The following CHST9 variants were observed in gnomAD, a reference collection of about 807,000 sequenced individuals.
CHST9 encodes carbohydrate sulfotransferase 9, also known as GalNAc-4-sulfotransferase 2.
A neutral mutation model predicts 44.4 loss-of-function variants in CHST9; 41 were observed. The observed-to-expected ratio is 0.92, with a 90% CI of 0.72 to 1.20. CHST9 has a LOEUF of 1.20. Among genes scored for constraint, CHST9 ranks in the 50% most tolerant of loss-of-function variants. The probability of loss-of-function intolerance (pLI) is 0.00; values close to 1 mark genes in which losing one functional copy is unlikely to be tolerated. For missense variants in CHST9, 504 were observed against 516.5 expected (o/e 0.98, Z 0.23); for synonymous variants, 171 against 178.4 (o/e 0.96, Z 0.33).
intron 4 of CHST9, among the ~76,000 whole-genome samples, chr18:26,979,062 C>A (rs932584288): frequency 6.6e-6 from 1 of 151,728 alleles, no homozygotes; most frequent in South Asian, 2.1e-4. Context: ...TATGTCGGGG[C>A]ACAGAAGGGT....
At chr18:27,003,424 T>C (rs2056976246) in intron 4 of CHST9, among the ~76,000 whole-genome samples, 1 of 152,168 alleles carries the variant, frequency 6.6e-6, no homozygotes, top group Non-Finnish European at 1.5e-5. Flanking sequence ...CAGCGAAGTT[T>C]TCTTTGTTTC....
intron 4 of CHST9, among the ~76,000 whole-genome samples, chr18:26,948,724 A>G (rs1158836288): frequency 1.3e-5 from 2 of 152,152 alleles, no homozygotes; most frequent in Non-Finnish European, 2.9e-5. Context: ...GCCTATCTAT[A>G]ACAAAGGGTT....
At chr18:27,146,086 G>A (rs1367280003) in intron 1 of CHST9, among the ~76,000 whole-genome samples, 2 of 152,138 alleles carry the variant, frequency 1.3e-5, no homozygotes, top group Non-Finnish European at 2.9e-5. Context: ...AATCCAAGCA[G>A]AGCCACGAAC....
At chr18:27,131,880 A>G (rs1195485497) in intron 2 of CHST9, among the ~76,000 whole-genome samples, 1 of 152,220 alleles carries the variant, frequency 6.6e-6, no homozygotes, top group African/African-American at 2.4e-5. Context: ...TGCTTCAACC[A>G]ATTGTAAGTT....
rs200943870 is a variant in CHST9 at position 27,150,102 on chromosome 18, A to AT, written c.-96-7198dup. Reference sequence around the variant, plus strand: ...ATTCATTTTAGTGAAAGGCTTTTTGATTTTTTTTTTTTCTTTCTCTTTATC... The same window carrying AT: ...ATTCATTTTAGTGAAAGGCTTTTTGATTTTTTTTTTTTTCTTTCTCTTTATC... On this transcript the variant is annotated intron_variant, in intron 1 of 5. Transcript: ENST00000618847. Among the ~76,000 whole-genome samples the AT allele has an allele frequency of 7.0e-3, 1,003 of 143,588 alleles. 12 individuals are homozygous for AT. The highest frequency in any genetic ancestry group is 0.021 in the African/African-American group (834 of 39,300). The allele number at this position is 143,588 out of a possible 152,430, so 94.2% of individuals were successfully genotyped here.
chr18:27,090,808 T>C (rs2058060943), intron 2 of CHST9, among the ~76,000 whole-genome samples: 1 of 152,214 alleles, frequency 6.6e-6, no homozygotes, highest in African/African-American at 2.4e-5. Flanking sequence ...GGTCTATATA[T>C]CTATTTTGGT....
At chr18:27,167,927 T>C (rs2058803557) in intron 1 of CHST9, among the ~76,000 whole-genome samples, 2 of 151,974 alleles carry the variant, frequency 1.3e-5, no homozygotes, top group South Asian at 2.1e-4. Flanking sequence ...AATAAGACAG[T>C]ATGGCTGGAG....
Position 26,916,033 on chromosome 18 carries a change from TC to T in CHST9, c.*225del, listed in dbSNP as rs1250903436. On this transcript the variant is annotated 3_prime_UTR_variant, in exon 6 of 6. Coordinates refer to ENST00000618847, the MANE Select transcript of CHST9 (RefSeq NM_031422.6). ...ATATAATTCATAATGCAAAAGCAGC[TC>T]TTTTCCAAACATTTTAGAGCAACTC... The T allele has an allele frequency of 5.0e-6, 2 of 402,074 alleles. No homozygotes were observed. The highest frequency in any genetic ancestry group is 2.1e-5 in the African/African-American group (1 of 48,342). 24.9% of individuals were successfully genotyped at this position (402,074 alleles called of 1,614,324 possible). A position where few individuals can be genotyped will look rare whatever the true frequency, so the allele number is the denominator to read the frequency against.
intron 2 of CHST9, among the ~76,000 whole-genome samples, chr18:27,083,724 G>GAA (rs2057982380): frequency 6.6e-6 from 1 of 152,028 alleles, no homozygotes; most frequent in South Asian, 2.1e-4. Context: ...AGAACTCTTG[G>GAA]AACATCTGCT....
At chr18:27,172,398 T>C (rs187667654) in intron 1 of CHST9, among the ~76,000 whole-genome samples, 1 of 152,170 alleles carries the variant, frequency 6.6e-6, no homozygotes, top group Non-Finnish European at 1.5e-5. Context: ...GGTATGAGTG[T>C]CCTTTGTCTT....
chr18:27,170,624 T>G (rs2058826996), intron 1 of CHST9, among the ~76,000 whole-genome samples: 1 of 152,184 alleles, frequency 6.6e-6, no homozygotes, highest in South Asian at 2.1e-4. Flanking sequence ...AATAAAATAT[T>G]TAATGCAAAA....
At chr18:27,169,234 T>C (rs1700814842) in intron 1 of CHST9, among the ~76,000 whole-genome samples, 3 of 152,182 alleles carry the variant, frequency 2.0e-5, no homozygotes, top group South Asian at 4.1e-4. Flanking sequence ...TTTACAGTAA[T>C]TTATCACACA....
At chr18:27,036,628 C>T (rs193284133) in intron 3 of CHST9, among the ~76,000 whole-genome samples, 2 of 152,244 alleles carry the variant, frequency 1.3e-5, no homozygotes, top group Non-Finnish European at 1.5e-5. Context: ...TCCTACCTGC[C>T]TAAGACCAGT....
chr18:26,936,379 A>AC (rs989323545), intron 5 of CHST9: 3 of 152,182 alleles, frequency 2.0e-5, no homozygotes, highest in Non-Finnish European at 4.4e-5. Flanking sequence ...CAAAAAAAAA[A>AC]CAAAACATTG....
intron 1 of CHST9, among the ~76,000 whole-genome samples, chr18:27,159,474 G>A (rs1446410881): frequency 6.6e-6 from 1 of 152,140 alleles, no homozygotes; most frequent in Non-Finnish European, 1.5e-5. Flanking sequence ...CTATATCTCT[G>A]TTTTGGTACC....
intron 4 of CHST9, among the ~76,000 whole-genome samples, chr18:26,949,078 A>C (rs2056206516): frequency 6.6e-6 from 1 of 152,092 alleles, no homozygotes; most frequent in Admixed American, 6.6e-5. Flanking sequence ...GCAGTTCTTG[A>C]GAAAGATGAA....
intron 1 of CHST9, among the ~76,000 whole-genome samples, chr18:27,152,448 A>T (rs573609363): frequency 6.6e-6 from 1 of 151,966 alleles, no homozygotes; most frequent in Admixed American, 6.6e-5. Context: ...CACAGAGGTT[A>T]TTGCAAAATG....
chr18:26,948,569 A>G (rs2056198939), intron 4 of CHST9, among the ~76,000 whole-genome samples: 1 of 152,192 alleles, frequency 6.6e-6, no homozygotes, highest in Non-Finnish European at 1.5e-5. Context: ...TAAGAGCCAA[A>G]CAATAAAATA....
At chr18:27,046,544 A>T (rs143183595) in intron 3 of CHST9, among the ~76,000 whole-genome samples, 1 of 151,602 alleles carries the variant, frequency 6.6e-6, no homozygotes, top group East Asian at 1.9e-4. Context: ...ATGAACTAAG[A>T]TGTAAAAAAT....
Sources: allele counts gnomAD v4.1 joint callset (sites outside exome capture counted in the v4.1 genomes callset), GRCh38; gene constraint gnomAD v4.1.1; transcripts MANE v1.5; gene names NCBI Gene and HGNC (gene_info 2026-07-23, HGNC 2026-07-21).